TASP1: variants seen among roughly 807,000 people sequenced by gnomAD.
The protein encoded by TASP1 is threonine aspartase 1.
TASP1 carries 16 observed loss-of-function variants against 56.6 expected under a neutral mutation model. The observed-to-expected ratio is 0.28, with a 90% CI of 0.19 to 0.43. The LOEUF (loss-of-function observed/expected upper bound fraction) is 0.43, where lower values mean the gene tolerates loss of function less well. Ranked by LOEUF, TASP1 falls within the 20% of genes least tolerant of loss-of-function variation. The pLI is 1.00. For synonymous variants in TASP1, 179 were observed against 184.2 expected, an observed-to-expected ratio of 0.97 and a Z score of 0.23; for missense variants, 393 against 511.6, an observed-to-expected ratio of 0.77 and a Z score of 2.24.
the TASP1 span, among the ~76,000 whole-genome samples, chr20:13,153,021 G>A: frequency 6.6e-6 from 1 of 152,192 alleles, no homozygotes; most frequent in Non-Finnish European, 1.5e-5. Context: ...GTCTGCTAAA[G>A]ACAACCAATA....
chr20:13,245,735 A>G, the TASP1 span, among the ~76,000 whole-genome samples: 3 of 152,160 alleles, frequency 2.0e-5, no homozygotes, highest in Non-Finnish European at 4.4e-5. Flanking sequence ...TCAAAATAAT[A>G]CTTAGTTTCA....
chr20:13,110,138 A>G, the TASP1 span: 1 of 1,613,416 alleles, frequency 6.2e-7, no homozygotes, highest in Non-Finnish European at 8.5e-7. Context: ...GAAGCTCCTG[A>G]GAGATGCTGT....
intron 11 of TASP1, among the ~76,000 whole-genome samples, chr20:13,446,153 T>C (rs993374575): frequency 6.6e-6 from 1 of 152,108 alleles, no homozygotes; most frequent in Non-Finnish European, 1.5e-5. Context: ...GCATCCTCTC[T>C]GAGAAAGCTA....
chr20:13,563,770 G>A (rs1390957582), intron 7 of TASP1, among the ~76,000 whole-genome samples: 2 of 151,284 alleles, frequency 1.3e-5, no homozygotes, highest in African/African-American at 2.4e-5. Context: ...CTCCCAAAGT[G>A]CTGGGATTAT....
At chr20:13,223,798 A>T in the TASP1 span, among the ~76,000 whole-genome samples, 10 of 152,172 alleles carry the variant, frequency 6.6e-5, no homozygotes. Flanking sequence ...AATATCTTCA[A>T]GATTTCTGGA....
chr20:13,525,199 A>G (rs1819101120), intron 10 of TASP1, among the ~76,000 whole-genome samples: 1 of 152,152 alleles, frequency 6.6e-6, no homozygotes, highest in South Asian at 2.1e-4. Context: ...CTACTCTGGG[A>G]CAAGAAATGC....
chr20:13,344,415 G>C, the TASP1 span, among the ~76,000 whole-genome samples: 1 of 152,162 alleles, frequency 6.6e-6, no homozygotes, highest in African/African-American at 2.4e-5. Flanking sequence ...TGGAGGCAAA[G>C]GGGAGGGAGG....
chr20:13,509,534 T>C (rs1385197693), intron 10 of TASP1, among the ~76,000 whole-genome samples: 1 of 152,210 alleles, frequency 6.6e-6, no homozygotes, highest in African/African-American at 2.4e-5. Context: ...ATGGATTATG[T>C]TAATTAGTTT....
the TASP1 span, chr20:13,279,526 C>A: frequency 1.8e-6 from 2 of 1,092,274 alleles, no homozygotes; most frequent in South Asian, 3.1e-5. Flanking sequence ...TCCTTCACAA[C>A]GGATGCATCC....
the TASP1 span, among the ~76,000 whole-genome samples, chr20:13,382,882 G>T: frequency 8.5e-5 from 13 of 152,142 alleles, no homozygotes; most frequent in Middle Eastern, 3.2e-3. Context: ...AAGCAAAAAA[G>T]GAATGCAAAA....
At chr20:13,192,792 C>T in the TASP1 span, among the ~76,000 whole-genome samples, 1 of 151,678 alleles carries the variant, frequency 6.6e-6, no homozygotes, top group South Asian at 2.1e-4. Context: ...GGGTTCAAGC[C>T]GTCCTCCCAC....
At chr20:13,576,149 C>T (rs145062550) in intron 6 of TASP1, among the ~76,000 whole-genome samples, 1 of 137,482 alleles carries the variant, frequency 7.3e-6, no homozygotes, top group African/African-American at 2.7e-5. Context: ...CTGCAGCGAG[C>T]CGAGATCATG....
chr20:13,638,571 T>C (rs2049398547), intron 1 of TASP1, among the ~76,000 whole-genome samples: 1 of 152,080 alleles, frequency 6.6e-6, no homozygotes, highest in Admixed American at 6.5e-5. Context: ...CTCTGAGACA[T>C]CTCCAGCCTG....
chr20:13,149,747 T>C, the TASP1 span, among the ~76,000 whole-genome samples: 2 of 152,236 alleles, frequency 1.3e-5, no homozygotes, highest in African/African-American at 4.8e-5. Flanking sequence ...CTCTGAAGGA[T>C]CTGGAAGCAG....
At chr20:13,297,206 C>T in the TASP1 span, among the ~76,000 whole-genome samples, 1 of 152,204 alleles carries the variant, frequency 6.6e-6, no homozygotes, top group South Asian at 2.1e-4. Context: ...AGCTGTTTTC[C>T]AGAATGCAGA....
downstream of TASP1, among the ~76,000 whole-genome samples, chr20:13,386,042 T>G (rs532009807): frequency 6.6e-5 from 10 of 152,322 alleles, no homozygotes; most frequent in African/African-American, 2.2e-4. Flanking sequence ...GCTGAGACCT[T>G]ACCACAGTGC....
intron 10 of TASP1, among the ~76,000 whole-genome samples, chr20:13,491,670 TAAC>T (rs2043533517): frequency 1.3e-5 from 2 of 152,172 alleles, no homozygotes; most frequent in African/African-American, 4.8e-5. Flanking sequence ...AAGGTAAAAG[TAAC>T]AAACTGAAAA....
chr20:13,411,713 C>T (rs903622607), intron 13 of TASP1, among the ~76,000 whole-genome samples: 2 of 152,164 alleles, frequency 1.3e-5, no homozygotes, highest in Admixed American at 1.3e-4. Flanking sequence ...TTCTTATAGT[C>T]CAGGCACCAG....
At chr20:13,116,334 T>TGAC in the TASP1 span, among the ~76,000 whole-genome samples, 2 of 152,254 alleles carry the variant, frequency 1.3e-5, no homozygotes, top group African/African-American at 4.8e-5. Flanking sequence ...TTGAATTGTT[T>TGAC]GACAAGTTCC....
Sources: gnomAD v4.1 joint callset for allele counts (sites outside exome capture counted in the v4.1 genomes callset) on GRCh38, gnomAD v4.1.1 for gene constraint, MANE v1.5 for transcripts, NCBI Gene and HGNC (gene_info 2026-07-23, HGNC 2026-07-21) for gene names.